The following TNIK variants were observed in gnomAD, a reference collection of about 807,000 sequenced individuals.
The protein encoded by TNIK is TRAF2 and NCK interacting kinase, also known as TRAF2 and NCK-interacting protein kinase.
Under a neutral mutation model 191.3 loss-of-function variants are expected in TNIK, and 49 were observed. That is an observed-to-expected ratio of 0.26 (90% CI 0.20 to 0.32). The LOEUF (loss-of-function observed/expected upper bound fraction) is 0.32. TNIK is among the 10% of genes least tolerant of loss of function. TNIK has a pLI of 1.00. For missense variants in TNIK, 1,155 were observed against 1,702.3 expected (o/e 0.68, Z 5.66); for synonymous variants, 594 against 600.9 (o/e 0.99, Z 0.17).
chr3:171,336,819 G>T (rs1320859337), intron 2 of TNIK, among the ~76,000 whole-genome samples: 1 of 152,204 alleles, frequency 6.6e-6, no homozygotes, highest in East Asian at 1.9e-4. Flanking sequence ...TCAGCAAAGT[G>T]AGGTAGAAGT....
At chr3:171,099,190 T>TAACA (rs1482511007) in intron 22 of TNIK, among the ~76,000 whole-genome samples, 3 of 152,080 alleles carry the variant, frequency 2.0e-5, no homozygotes, top group Non-Finnish European at 4.4e-5. Flanking sequence ...CCCTCAAATA[T>TAACA]AACACTGAAC....
chr3:171,247,276 A>G (rs906158428), intron 2 of TNIK, among the ~76,000 whole-genome samples: 2 of 152,192 alleles, frequency 1.3e-5, no homozygotes, highest in Admixed American at 1.3e-4. Context: ...CAAGATTTGG[A>G]GATGATTAAT....
chr3:171,185,178 C>CCT (rs372447404), intron 7 of TNIK, among the ~76,000 whole-genome samples: 3 of 145,872 alleles, frequency 2.1e-5, no homozygotes, highest in African/African-American at 7.5e-5. Context: ...ATAGATTTCC[C>CCT]GTGTGTGTGT....
At chr3:171,264,568 T>C (rs1748145404) in intron 2 of TNIK, among the ~76,000 whole-genome samples, 1 of 152,126 alleles carries the variant, frequency 6.6e-6, no homozygotes, top group East Asian at 1.9e-4. Flanking sequence ...TTGGTCAGGC[T>C]GGTCAGTACT....
chr3:171,140,615 G>T, intron 12 of TNIK, 106 bp from the exon 13 acceptor site: 1 of 1,020,756 alleles, frequency 9.8e-7, no homozygotes, highest in Non-Finnish European at 1.5e-6. Flanking sequence ...CTTTTAATGA[G>T]ATATGCCTAA....
chr3:171,290,485 G>A (rs1418042498), intron 2 of TNIK, among the ~76,000 whole-genome samples: 5 of 152,152 alleles, frequency 3.3e-5, no homozygotes, highest in Admixed American at 6.5e-5. Flanking sequence ...AGAGTGCCTG[G>A]CACACAATAG....
In TNIK at chr3:171,335,967, T is replaced by C. The variant is rs187808122; in HGVS notation, c.123+33653A>G. On this transcript the variant is annotated intron_variant, in intron 2 of 32. Transcript: ENST00000436636. ...TTGTCAGTCTTTTTAACTTTAGTCA[T>C]ACAGTGCGTAGTGTATCTCGTTGCA... Among the ~76,000 whole-genome samples, 3 of 152,336 alleles carry C rather than the reference T, an allele frequency of 2.0e-5. No individual in the cohort carries two copies. In the East Asian group the frequency reaches 5.8e-4, roughly 29 times the overall value.
intron 2 of TNIK, among the ~76,000 whole-genome samples, chr3:171,241,113 C>T (rs1283037721): frequency 6.6e-6 from 1 of 152,018 alleles, no homozygotes; most frequent in East Asian, 1.9e-4. Context: ...TCACCGCAAC[C>T]TCCACCTCCC....
chr3:171,343,722 A>G (rs954672622), intron 2 of TNIK, among the ~76,000 whole-genome samples: 1 of 152,212 alleles, frequency 6.6e-6, no homozygotes, highest in African/African-American at 2.4e-5. Flanking sequence ...AAGTGCCTCT[A>G]GAGTTATATA....
intron 15 of TNIK, among the ~76,000 whole-genome samples, chr3:171,132,147 T>C (rs1190719530): frequency 1.3e-5 from 2 of 152,212 alleles, no homozygotes; most frequent in Non-Finnish European, 2.9e-5. Flanking sequence ...TTAGAAAGTG[T>C]TCCAGTACCA....
At chr3:171,272,114 A>G (rs1014990041) in intron 2 of TNIK, among the ~76,000 whole-genome samples, 1 of 152,226 alleles carries the variant, frequency 6.6e-6, no homozygotes, top group African/African-American at 2.4e-5. Flanking sequence ...AGAGAAAAGA[A>G]TAGACAAACT....
intron 1 of TNIK, among the ~76,000 whole-genome samples, chr3:171,420,957 A>G (rs531017175): frequency 2.0e-5 from 3 of 152,258 alleles, no homozygotes; most frequent in African/African-American, 7.2e-5. Flanking sequence ...AAAACTTATG[A>G]ACTGTTTATT....
At chr3:171,456,916 C>T (rs965498686) in intron 1 of TNIK, among the ~76,000 whole-genome samples, 2 of 152,226 alleles carry the variant, frequency 1.3e-5, no homozygotes, top group Non-Finnish European at 1.5e-5. Flanking sequence ...CCTCAAACCA[C>T]GCTCCTCGCT....
At chr3:171,185,384 A>T (rs907358442) in intron 7 of TNIK, among the ~76,000 whole-genome samples, 2 of 152,230 alleles carry the variant, frequency 1.3e-5, no homozygotes, top group Admixed American at 6.5e-5. Flanking sequence ...AGGTTAAAAA[A>T]ATAACAATTT....
At chr3:171,315,495 G>A (rs1007405926) in intron 2 of TNIK, among the ~76,000 whole-genome samples, 13 of 152,092 alleles carry the variant, frequency 8.5e-5, no homozygotes, top group African/African-American at 3.1e-4. Flanking sequence ...CTCTCCAGAA[G>A]GGTGTATTAG....
intron 12 of TNIK, among the ~76,000 whole-genome samples, chr3:171,142,608 G>A (rs1183939810): frequency 1.3e-5 from 2 of 152,166 alleles, no homozygotes; most frequent in African/African-American, 4.8e-5. Context: ...GTAGGAGTGG[G>A]GTGGGTACCA....
At chr3:171,385,383 G>A (rs1005914633) in intron 1 of TNIK, among the ~76,000 whole-genome samples, 1 of 152,134 alleles carries the variant, frequency 6.6e-6, no homozygotes, top group South Asian at 2.1e-4. Context: ...ACTAGACGGA[G>A]GTGTGTGGCA....
At chr3:171,203,089 T>C (rs181051328) in intron 4 of TNIK, among the ~76,000 whole-genome samples, 1,673 of 152,324 alleles carry the variant, frequency 0.011, 12 homozygotes, top group South Asian at 0.03. Flanking sequence ...TTTTTTTTTT[T>C]TCCTACAACC....
chr3:171,261,983 T>C (rs1365777413), intron 2 of TNIK, among the ~76,000 whole-genome samples: 2 of 152,148 alleles, frequency 1.3e-5, no homozygotes, highest in African/African-American at 4.8e-5. Context: ...GGATCAAATA[T>C]GAATACTATT....
Sources: allele counts gnomAD v4.1 joint callset (sites outside exome capture counted in the v4.1 genomes callset), GRCh38; gene constraint gnomAD v4.1.1; transcripts MANE v1.5; gene names NCBI Gene and HGNC (gene_info 2026-07-23, HGNC 2026-07-21).